Variants in GRK3 observed in about 807,000 individuals in gnomAD.
GRK3 encodes the protein adrenergic, beta, receptor kinase 2.
A neutral mutation model predicts 95.7 loss-of-function variants in GRK3; 54 were observed. That is an observed-to-expected ratio of 0.56 (90% CI 0.45 to 0.71). GRK3 has a LOEUF of 0.71. Among genes scored for constraint, GRK3 ranks in the 30% least tolerant of loss-of-function variants. GRK3 has a pLI of 0.00. For missense variants in GRK3, 649 were observed against 851.2 expected (o/e 0.76, Z 2.96); for synonymous variants, 281 against 290.8 (o/e 0.97, Z 0.34).
chr22:25,644,282 G>T (rs2084764677), intron 2 of GRK3, among the ~76,000 whole-genome samples: 1 of 151,870 alleles, frequency 6.6e-6, no homozygotes, highest in African/African-American at 2.4e-5. Context: ...CACTACAATG[G>T]TCAGCGGCTC....
chr22:25,568,766 T>A (rs1192009496), intron 1 of GRK3, among the ~76,000 whole-genome samples: 1 of 152,192 alleles, frequency 6.6e-6, no homozygotes, highest in Non-Finnish European at 1.5e-5. Flanking sequence ...CACAAACAAA[T>A]AGCGTTTGGA....
At chr22:25,636,244 G>T (rs1465292672) in intron 2 of GRK3, among the ~76,000 whole-genome samples, 1 of 152,206 alleles carries the variant, frequency 6.6e-6, no homozygotes, top group African/African-American at 2.4e-5. Flanking sequence ...TTGGACACTA[G>T]AAGTGCTCAT....
chr22:25,697,003 A>C (rs1322984329), intron 13 of GRK3, among the ~76,000 whole-genome samples: 2 of 152,212 alleles, frequency 1.3e-5, no homozygotes, highest in East Asian at 3.8e-4. Context: ...TATGGAGTGC[A>C]TGAAGACACC....
intron 1 of GRK3, among the ~76,000 whole-genome samples, chr22:25,573,453 G>A (rs1439869983): frequency 3.9e-5 from 6 of 152,144 alleles, no homozygotes; most frequent in Admixed American, 1.3e-4. Context: ...TGGAAGCCAG[G>A]TATGGGTTAC....
intron 2 of GRK3, among the ~76,000 whole-genome samples, chr22:25,623,996 G>C (rs1297591054): frequency 6.6e-6 from 1 of 152,124 alleles, no homozygotes; most frequent in Non-Finnish European, 1.5e-5. Context: ...CCTGTTATCC[G>C]GCAGTCTGAA....
chr22:25,649,829 C>T (rs1601501055), intron 3 of GRK3, among the ~76,000 whole-genome samples: 1 of 152,134 alleles, frequency 6.6e-6, no homozygotes, highest in South Asian at 2.1e-4. Flanking sequence ...AAATGTTAGA[C>T]CACAGACGTG....
At chr22:25,697,799 C>T (rs576668570) in intron 13 of GRK3, among the ~76,000 whole-genome samples, 17 of 152,282 alleles carry the variant, frequency 1.1e-4, no homozygotes, top group African/African-American at 3.6e-4. Context: ...TGGTGACCAT[C>T]GATTGAGCCT....
At chr22:25,613,798 G>A (rs140090085) in intron 2 of GRK3, among the ~76,000 whole-genome samples, 3,657 of 152,272 alleles carry the variant, frequency 0.024, 39 homozygotes, top group East Asian at 0.037. Context: ...TGCCCCCGCA[G>A]TGCAGCCTCT....
chr22:25,632,529 T>C (rs143914379), intron 2 of GRK3, among the ~76,000 whole-genome samples: 2 of 152,360 alleles, frequency 1.3e-5, no homozygotes, highest in South Asian at 4.1e-4. Flanking sequence ...TTTTAAAGTA[T>C]AATGAAATTG....
intron 3 of GRK3, chr22:25,648,209 T>C: frequency 6.6e-6 from 5 of 754,758 alleles, no homozygotes; most frequent in Admixed American, 1.8e-5. Flanking sequence ...GTGATTGGGA[T>C]GAGGTAAGGG....
At chr22:25,687,330 T>C (rs1324233037) in intron 10 of GRK3, among the ~76,000 whole-genome samples, 1 of 152,144 alleles carries the variant, frequency 6.6e-6, no homozygotes, top group Non-Finnish European at 1.5e-5. Flanking sequence ...TTGTCCTTCC[T>C]GTCATTGTAT....
chr22:25,625,941 T>G (rs1433068324), intron 2 of GRK3, among the ~76,000 whole-genome samples: 1 of 152,196 alleles, frequency 6.6e-6, no homozygotes, highest in Non-Finnish European at 1.5e-5. Context: ...CCTGCCCTTT[T>G]TGCTTTGTAT....
chr22:25,651,505 ACT>A (rs1345400393), intron 3 of GRK3, among the ~76,000 whole-genome samples: 2 of 152,108 alleles, frequency 1.3e-5, no homozygotes, highest in Admixed American at 6.5e-5. Context: ...CTTAGTATTG[ACT>A]CTCTACCAAG....
intron 15 of GRK3, among the ~76,000 whole-genome samples, chr22:25,709,525 T>C (rs190386099): frequency 6.6e-6 from 1 of 152,340 alleles, no homozygotes; most frequent in East Asian, 1.9e-4. Flanking sequence ...ATATTTGCTG[T>C]AAATTTCTTT....
intron 17 of GRK3, 68 bp downstream of exon 17, chr22:25,711,231 C>A: frequency 9.2e-7 from 1 of 1,085,504 alleles, no homozygotes; most frequent in Non-Finnish European, 1.3e-6. Flanking sequence ...GGAAATCAAA[C>A]TTAGTGGTTG....
intron 13 of GRK3, among the ~76,000 whole-genome samples, chr22:25,698,744 G>A (rs2085231701): frequency 6.6e-6 from 1 of 152,148 alleles, no homozygotes; most frequent in Non-Finnish European, 1.5e-5. Flanking sequence ...GATTCTGGAA[G>A]CAGCCTGGAG....
intron 13 of GRK3, among the ~76,000 whole-genome samples, chr22:25,700,646 A>G (rs1441315812): frequency 6.6e-6 from 1 of 152,150 alleles, no homozygotes; most frequent in Non-Finnish European, 1.5e-5. Flanking sequence ...GGAGTGCAGT[A>G]GTGTGATCTT....
intron 13 of GRK3, among the ~76,000 whole-genome samples, chr22:25,700,293 C>G (rs1181478300): frequency 1.3e-5 from 2 of 152,098 alleles, no homozygotes; most frequent in Non-Finnish European, 2.9e-5. Context: ...AAGATGCATC[C>G]ATGTTGCAAA....
At chr22:25,565,537 C>T (rs1261891902) in intron 1 of GRK3, among the ~76,000 whole-genome samples, 1 of 152,128 alleles carries the variant, frequency 6.6e-6, no homozygotes, top group African/African-American at 2.4e-5. Context: ...CCGTTGGCTC[C>T]TTGCCTGTCA....
Sources: allele counts gnomAD v4.1 joint callset (sites outside exome capture counted in the v4.1 genomes callset), GRCh38; gene constraint gnomAD v4.1.1; transcripts MANE v1.5; gene names NCBI Gene and HGNC (gene_info 2026-07-23, HGNC 2026-07-21).